Variants in CCR10 observed in about 807,000 individuals in gnomAD.
The protein encoded by CCR10 is C-C chemokine receptor type 10.
A neutral mutation model predicts 11.9 loss-of-function variants in CCR10; 11 were observed. The ratio of observed to expected loss-of-function variants is 0.92; its 90% confidence interval spans 0.58 to 1.53. The LOEUF is 1.53. CCR10 is among the 40% of genes most tolerant of loss of function. The pLI is 0.00. For missense variants in CCR10, 428 were observed against 496.6 expected (o/e 0.86, Z 1.31); for synonymous variants, 224 against 245.4 (o/e 0.91, Z 0.81).
intron 1 of CCR10, among the ~76,000 whole-genome samples, chr17:42,681,147 C>G (rs2052927860): frequency 6.6e-6 from 1 of 152,036 alleles, no homozygotes; most frequent in Non-Finnish European, 1.5e-5. Flanking sequence ...TCCCAAGTAG[C>G]TGGGACTACA....
chr17:42,680,078 T>A lies in CCR10; in HGVS notation c.564A>T (p.Gln188His), dbSNP rs2052909176. The change falls in exon 2 of 2, where the codon CAA becomes CAT. Residue 188 changes from glutamine to histidine, a missense_variant. Physicochemically the swap from Gln to His is conservative, Grantham distance 24. Coordinates refer to ENST00000332438, the MANE Select transcript of CCR10 (RefSeq NM_016602.3). ...LFSQDGQREG[Q>H]RRCRLIFPEG... Reference sequence around the variant, plus strand: ...CGGGGAAGATGAGGCGACAGCGTCGTTGGCCTTCCCGCTGCCCATCCTGGC... The same window carrying A: ...CGGGGAAGATGAGGCGACAGCGTCGATGGCCTTCCCGCTGCCCATCCTGGC... 1.2e-6 allele frequency: 2 copies of A among 1,608,098 alleles called. No homozygotes were observed. Among genetic ancestry groups the A allele is most frequent in the Non-Finnish European group, 1.7e-6 (2 of 1,178,910 alleles).
Position 42,680,372 on chromosome 17 carries a change from C to G in CCR10, c.270G>C (p.Leu90Phe), listed in dbSNP as rs913067108. The G allele has an allele frequency of 6.4e-6, 10 of 1,555,878 alleles. No homozygotes were observed. The highest frequency in any genetic ancestry group is 8.7e-6 in the Non-Finnish European group (10 of 1,149,868). ...CCGCGAAGGGCAGAGTCAGGGCCAG[C>G]AAGAGGTCGGCCAGGGCCAGCTGGA... The part of the protein sequence containing the change: ...HLLQLALADL[L>F]LALTLPFAAA... Residue 90 changes from leucine to phenylalanine, a missense_variant, in exon 2 of 2, where the codon TTG (leucine) becomes TTC (phenylalanine). Leu to Phe is a conservative substitution (Grantham distance 22, BLOSUM62 0). Coordinates refer to ENST00000332438, the MANE Select transcript of CCR10 (RefSeq NM_016602.3).
intron 1 of CCR10, among the ~76,000 whole-genome samples, chr17:42,681,029 T>C (rs1297357038): frequency 6.6e-6 from 1 of 151,982 alleles, no homozygotes; most frequent in Non-Finnish European, 1.5e-5. Flanking sequence ...ATTATTATTA[T>C]TATTGGAGAC....
rs1260194361 is a variant in CCR10 at position 42,679,005 on chromosome 17, C to A, written c.*548G>T. 6.6e-6 allele frequency: 1 copy of A among 152,490 alleles called. No individual in the cohort carries two copies. Among genetic ancestry groups the A allele is most frequent in the Non-Finnish European group, 1.5e-5 (1 of 68,258 alleles). The allele number at this position is 152,490 out of a possible 1,614,324, so 9.4% of individuals were successfully genotyped here. A position where few individuals can be genotyped will look rare whatever the true frequency, so the allele number is the denominator to read the frequency against. On this transcript the variant is annotated 3_prime_UTR_variant, in exon 2 of 2. Transcript: ENST00000332438. Reference sequence around the variant, plus strand: ...CGGGAATCCCCTGCCCCTCCCCCTCCCCCCACACCACGCAAAGGCCCACAG... The same window carrying A: ...CGGGAATCCCCTGCCCCTCCCCCTCACCCCACACCACGCAAAGGCCCACAG...
At chr17:42,681,739 A>G (rs2052934681) in intron 1 of CCR10, 61 bp downstream of exon 1, 9 of 1,246,182 alleles carry the variant, frequency 7.2e-6, no homozygotes, top group Non-Finnish European at 1.1e-5. Context: ...GGGGAATCCC[A>G]TTCCTTCCCT....
Position 42,680,557 on chromosome 17 carries a change from C to G in CCR10, c.85G>C (p.Glu29Gln), listed in dbSNP as rs1377365328. 7.5e-6 allele frequency: 12 copies of G among 1,607,006 alleles called. No individual in the cohort carries two copies. The highest frequency in any genetic ancestry group is 9.3e-6 in the Non-Finnish European group (11 of 1,176,790). ...EDAYSAEPLP[E>Q]LCYKADVQAF... ...TGGACATCGGCCTTGTAGCAAAGCT[C>G]CGGCAGTGGCTCAGCCGAGTATGCG... The change falls in exon 2 of 2, where the codon GAG becomes CAG. Residue 29 changes from glutamate (E) to glutamine (Q), a missense_variant. Physicochemically the swap from Glu to Gln is conservative, Grantham distance 29. Coordinates refer to ENST00000332438, the MANE Select transcript of CCR10 (RefSeq NM_016602.3).
Position 42,680,677 on chromosome 17 carries a change from C to T in CCR10, c.25-60G>A, listed in dbSNP as rs527711725. The T allele has an allele frequency of 1.6e-3, 1,897 of 1,211,552 alleles. 2 individuals carry two copies. The highest frequency in any genetic ancestry group is 2.1e-3 in the Admixed American group (93 of 44,254). The allele number at this position is 1,211,552 out of a possible 1,614,324, so 75.1% of individuals were successfully genotyped here. On this transcript the variant is annotated intron_variant, in intron 1 of 1. Coordinates refer to ENST00000332438, the MANE Select transcript of CCR10 (RefSeq NM_016602.3). ...GACACATCTGACCACACAACTCCCCCGCCCACACTTGCCTTCCAAGCTGAG... is the reference window on the plus strand; with the variant it reads ...GACACATCTGACCACACAACTCCCCTGCCCACACTTGCCTTCCAAGCTGAG...
intron 1 of CCR10, among the ~76,000 whole-genome samples, chr17:42,680,864 C>T (rs951111171): frequency 2.0e-5 from 3 of 152,172 alleles, no homozygotes; most frequent in Non-Finnish European, 2.9e-5. Context: ...TCTTTCTAGA[C>T]CTCAGTTACC....
In CCR10 at chr17:42,680,006, C is replaced by T. The variant is rs2052907720; in HGVS notation, c.636G>A (p.Val212=). 6.3e-7 allele frequency: 1 copy of T among 1,579,520 alleles called. No homozygotes were observed. The highest frequency in any genetic ancestry group is 1.1e-5 in the South Asian group (1 of 88,042). The change falls in exon 2 of 2, where the codon GTG becomes GTA. Residue 212 remains valine (V), a synonymous_variant. Transcript: ENST00000332438. ...TVKGASAVAQ[V]ALGFALPLGV... The stretch of plus-strand genomic sequence containing the variant: ...CCAGCGGCAGCGCGAAGCCCAGGGC[C>T]ACCTGCGCCACGGCGCTCGCCCCCT...
intron 1 of CCR10, among the ~76,000 whole-genome samples, 197 bp downstream of exon 1, chr17:42,681,603 A>G (rs952449746): frequency 2.6e-5 from 4 of 152,168 alleles, no homozygotes; most frequent in African/African-American, 9.7e-5. Context: ...CTTTCCCCTC[A>G]GCCCTAGTCC....
In CCR10 at chr17:42,679,309, AGGGCGGGGGGTG is replaced by A. The variant is rs2052899865; in HGVS notation, c.*232_*243del. ...CCACTCAGAGAGCCAAGCGCGGGGC[AGGGCGGGGGGTG>A]GGGCGGGGGCGGGGTGTTAACCCAC... On this transcript the variant is annotated 3_prime_UTR_variant, in exon 2 of 2. Coordinates refer to ENST00000332438, the MANE Select transcript of CCR10 (RefSeq NM_016602.3). 2 of 364,100 alleles carry A rather than the reference AGGGCGGGGGGTG, an allele frequency of 5.5e-6. No homozygotes were observed. Among genetic ancestry groups the A allele is most frequent in the Admixed American group, 4.7e-5 (1 of 21,426 alleles). 22.6% of individuals were successfully genotyped at this position (364,100 alleles called of 1,614,324 possible).
rs375776467 is a variant in CCR10 at position 42,679,843 on chromosome 17, G to T, written c.799C>A (p.Leu267Met). ...VVLQLPYSLA[L>M]LLDTADLLAA... ...AGTAGATCGGCAGTATCCAGCAGCA[G>T]GGCGAGGCTGTAGGGCAGCTGCAGC... The change falls in exon 2 of 2, where the codon CTG becomes ATG. Residue 267 changes from leucine to methionine, a missense_variant. Leu to Met is a conservative substitution (Grantham distance 15). Transcript: ENST00000332438. The T allele has an allele frequency of 2.1e-5, 34 of 1,606,544 alleles. No individual in the cohort carries two copies. The highest frequency in any genetic ancestry group is 2.0e-4 in the African/African-American group (15 of 74,530).
chr17:42,678,956 T>C lies in CCR10; in HGVS notation c.*597A>G, dbSNP rs1410048721. ...CTAGGAAGGGATTGTAAAGTGGTTATGAAATCCAAACGCCCACCAAAAACG... is the reference window on the plus strand; with the variant it reads ...CTAGGAAGGGATTGTAAAGTGGTTACGAAATCCAAACGCCCACCAAAAACG... On this transcript the variant is annotated 3_prime_UTR_variant, in exon 2 of 2. Transcript: ENST00000332438. 1 of 152,374 alleles carries C rather than the reference T, an allele frequency of 6.6e-6. No individual in the cohort carries two copies. Among genetic ancestry groups the C allele is most frequent in the Non-Finnish European group, 1.5e-5 (1 of 68,160 alleles). 9.4% of individuals were successfully genotyped at this position (152,374 alleles called of 1,614,324 possible).
chr17:42,680,504 A>T lies in CCR10; in HGVS notation c.138T>A (p.Ser46Arg). ...CCAGCGCAGCCACGGTCAGGGAGACACTGGGTTGGAAGGCCCGGCTGAAGG... is the reference window on the plus strand; with the variant it reads ...CCAGCGCAGCCACGGTCAGGGAGACTCTGGGTTGGAAGGCCCGGCTGAAGG... Reference protein sequence around the residue: ...VQAFSRAFQPSVSLTVAALGL... With the variant: ...VQAFSRAFQPRVSLTVAALGL... Residue 46 changes from serine to arginine, a missense_variant, in exon 2 of 2, where the codon AGT becomes AGA. Ser to Arg is a moderately radical substitution (Grantham distance 110). Transcript: ENST00000332438. 2 of 1,612,328 alleles carry T rather than the reference A, an allele frequency of 1.2e-6. No individual in the cohort carries two copies. Among genetic ancestry groups the T allele is most frequent in the Non-Finnish European group, 1.7e-6 (2 of 1,179,622 alleles).
chr17:42,681,161 G>A (rs569769837), intron 1 of CCR10, among the ~76,000 whole-genome samples: 66 of 152,042 alleles, frequency 4.3e-4, no homozygotes, highest in African/African-American at 1.4e-3. Flanking sequence ...GACTACAGGC[G>A]CCCACCACCA....
In CCR10 at chr17:42,680,186, G is replaced by A. The variant is rs2052911298; in HGVS notation, c.456C>T (p.Pro152=). Residue 152 remains proline (P), a synonymous_variant, in exon 2 of 2, where the codon CCC becomes CCT. Transcript: ENST00000332438. ...CCAAGTGTGCGCGGCCGGGAGTGGA[G>A]GGCCGCGGCCCGGCTGGGAGCGCTC... The part of the protein sequence containing the change: ...IARALPAGPR[P]STPGRAHLVS... 6.2e-7 allele frequency: 1 copy of A among 1,609,616 alleles called. No individual in the cohort carries two copies.
chr17:42,680,552 A>G lies in CCR10; in HGVS notation c.90T>C (p.Leu30=), dbSNP rs2052918252. ...AGGCCTGGACATCGGCCTTGTAGCA[A>G]AGCTCCGGCAGTGGCTCAGCCGAGT... ...DAYSAEPLPE[L]CYKADVQAFS... Residue 30 remains leucine (L), a synonymous_variant, in exon 2 of 2, where the codon CTT becomes CTC. Transcript: ENST00000332438. The G allele has an allele frequency of 6.2e-7, 1 of 1,608,836 alleles. No individual in the cohort carries two copies. Among genetic ancestry groups the G allele is most frequent in the Non-Finnish European group, 8.5e-7 (1 of 1,177,642 alleles).
rs1314872184 is a variant in CCR10 at position 42,679,068 on chromosome 17, C to G, written c.*485G>C. 6.5e-6 allele frequency: 1 copy of G among 152,688 alleles called. No individual in the cohort carries two copies. Among genetic ancestry groups the G allele is most frequent in the Non-Finnish European group, 1.5e-5 (1 of 68,522 alleles). 9.5% of individuals were successfully genotyped at this position (152,688 alleles called of 1,614,324 possible). ...TCTGAACATTCCAATAGCGGGAACT[C>G]AGTATTTGCTAAGGCAGCCATTACT... On this transcript the variant is annotated 3_prime_UTR_variant, in exon 2 of 2. Transcript: ENST00000332438.
chr17:42,679,524 A>T lies in CCR10; in HGVS notation c.*29T>A. 7.0e-7 allele frequency: 1 copy of T among 1,425,014 alleles called. No individual in the cohort carries two copies. 88.3% of individuals were successfully genotyped at this position (1,425,014 alleles called of 1,614,324 possible). A position where few individuals can be genotyped will look rare whatever the true frequency, so the allele number is the denominator to read the frequency against. ...CCTACTCCCCTTTCCCACGACCCTC[A>T]GCCTGCCCCCTCCTCTAGATTCGCA... On this transcript the variant is annotated 3_prime_UTR_variant, in exon 2 of 2. Transcript: ENST00000332438.
Sources: allele counts gnomAD v4.1 joint callset (sites outside exome capture counted in the v4.1 genomes callset), GRCh38; gene constraint gnomAD v4.1.1; transcripts MANE v1.5; gene names NCBI Gene and HGNC (gene_info 2026-07-23, HGNC 2026-07-21).